The following USP37 variants were observed in gnomAD, a reference collection of about 807,000 sequenced individuals.
USP37 encodes the protein ubiquitin carboxyl-terminal hydrolase 37.
Under a neutral mutation model 124.0 loss-of-function variants are expected in USP37, and 27 were observed. The observed-to-expected ratio is 0.22, with a 90% CI of 0.16 to 0.30. The LOEUF (loss-of-function observed/expected upper bound fraction) is 0.30. Ranked by LOEUF, USP37 falls within the 10% of genes least tolerant of loss-of-function variation. USP37 has a pLI of 1.00. For missense variants in USP37, 889 were observed against 1,140.4 expected, an observed-to-expected ratio of 0.78 and a Z score of 3.17; for synonymous variants, 365 against 388.0, an observed-to-expected ratio of 0.94 and a Z score of 0.70.
chr2:218,548,221 T>C (rs566043121), intron 6 of USP37, among the ~76,000 whole-genome samples: 15 of 152,352 alleles, frequency 9.8e-5, no homozygotes, highest in Non-Finnish European at 1.9e-4. Context: ...TGTTCTGTTA[T>C]GCAAATACAA....
chr2:218,525,543 G>C (rs752730470), intron 10 of USP37, among the ~76,000 whole-genome samples: 1 of 152,020 alleles, frequency 6.6e-6, no homozygotes, highest in Non-Finnish European at 1.5e-5. Flanking sequence ...AATTTAGCTA[G>C]GTATAGAAGT....
intron 6 of USP37, among the ~76,000 whole-genome samples, chr2:218,547,366 A>AGAGATT (rs1226637704): frequency 6.6e-6 from 1 of 152,118 alleles, no homozygotes; most frequent in African/African-American, 2.4e-5. Context: ...ATACATCTCT[A>AGAGATT]GAGATTCTAT....
At chr2:218,532,808 T>A (rs1032353445) in intron 9 of USP37, among the ~76,000 whole-genome samples, 6 of 151,720 alleles carry the variant, frequency 4.0e-5, no homozygotes, top group African/African-American at 1.5e-4. Context: ...TGTGCACCTG[T>A]AATCCCAGCT....
intron 10 of USP37, among the ~76,000 whole-genome samples, chr2:218,518,337 C>A (rs76552646): frequency 6.6e-6 from 1 of 151,892 alleles, no homozygotes; most frequent in East Asian, 1.9e-4. Context: ...AAATATTGTT[C>A]TTTTATAATC....
chr2:218,513,574 C>G (rs1255026947), intron 10 of USP37, among the ~76,000 whole-genome samples: 1 of 152,166 alleles, frequency 6.6e-6, no homozygotes, highest in East Asian at 1.9e-4. Context: ...GTGACCTTGT[C>G]TCTGTGACCA....
intron 9 of USP37, among the ~76,000 whole-genome samples, chr2:218,531,046 G>C (rs1372855772): frequency 1.3e-5 from 2 of 152,210 alleles, no homozygotes; most frequent in Non-Finnish European, 2.9e-5. Flanking sequence ...TAAAGCTGCA[G>C]CAAGTTACTG....
intron 1 of USP37, 54 bp downstream of exon 1, chr2:218,568,118 CAGAAGG>C (rs1203093762): frequency 6.6e-6 from 1 of 152,404 alleles, no homozygotes; most frequent in African/African-American, 2.4e-5. Context: ...GCGGATCGCA[CAGAAGG>C]AGGAGGAGGT....
intron 1 of USP37, among the ~76,000 whole-genome samples, chr2:218,566,401 C>A (rs1316953254): frequency 6.6e-6 from 1 of 152,146 alleles, no homozygotes; most frequent in Non-Finnish European, 1.5e-5. Flanking sequence ...GTAAAGATTC[C>A]GAATTTTATC....
chr2:218,475,405 C>G (rs1395248702), intron 19 of USP37, among the ~76,000 whole-genome samples: 2 of 151,890 alleles, frequency 1.3e-5, no homozygotes, highest in African/African-American at 4.8e-5. Context: ...TTGAGACCAG[C>G]CTGGCCAACA....
chr2:218,519,768 C>T (rs6729124), intron 10 of USP37, among the ~76,000 whole-genome samples: 6,080 of 151,600 alleles, frequency 0.04, 160 homozygotes, highest in East Asian at 0.12. Context: ...GTTGCAGTGG[C>T]TAATTTTTGT....
chr2:218,467,962 A>G (rs1430826851), intron 20 of USP37, among the ~76,000 whole-genome samples: 1 of 149,628 alleles, frequency 6.7e-6, no homozygotes, highest in Admixed American at 6.7e-5. Flanking sequence ...ATATCCGCTC[A>G]CTGCAACCTC....
intron 8 of USP37, among the ~76,000 whole-genome samples, chr2:218,545,273 T>G (rs932795209): frequency 6.6e-6 from 1 of 152,206 alleles, no homozygotes; most frequent in African/African-American, 2.4e-5. Flanking sequence ...GCCAATGTGA[T>G]ATGCACAAAG....
At chr2:218,555,200 A>T (rs1692899105) in intron 4 of USP37, among the ~76,000 whole-genome samples, 1 of 152,228 alleles carries the variant, frequency 6.6e-6, no homozygotes, top group Admixed American at 6.5e-5. Flanking sequence ...TAATGTTCTC[A>T]GCAGGCATAT....
intron 10 of USP37, among the ~76,000 whole-genome samples, chr2:218,523,706 C>T (rs1430461648): frequency 6.6e-6 from 1 of 152,160 alleles, no homozygotes; most frequent in Non-Finnish European, 1.5e-5. Context: ...GTGTGAGCCA[C>T]TGAACCCGGC....
chr2:218,475,653 C>G (rs1690927911), intron 19 of USP37, among the ~76,000 whole-genome samples: 1 of 152,176 alleles, frequency 6.6e-6, no homozygotes, highest in Non-Finnish European at 1.5e-5. Context: ...TCGCCTGAAC[C>G]TGGGAGGTGG....
At chr2:218,533,786 A>T (rs562121064) in intron 9 of USP37, among the ~76,000 whole-genome samples, 5 of 152,304 alleles carry the variant, frequency 3.3e-5, no homozygotes, top group Non-Finnish European at 5.9e-5. Context: ...AGCTTACTTC[A>T]AGTTAAAGTT....
At chr2:218,550,061 TTC>T (rs1692579211) in intron 5 of USP37, 152 bp from the exon 6 acceptor site, 2 of 535,604 alleles carry the variant, frequency 3.7e-6, no homozygotes, top group Non-Finnish European at 3.1e-6. Flanking sequence ...AACCAATTCT[TTC>T]TGACAGAATA....
At chr2:218,461,112 A>G (rs564123013) in intron 22 of USP37, among the ~76,000 whole-genome samples, 240 of 152,328 alleles carry the variant, frequency 1.6e-3, no homozygotes, top group African/African-American at 5.5e-3. Context: ...ATGGTGTTAA[A>G]TAAAGAATCC....
chr2:218,502,689 C>T (rs190886858), intron 11 of USP37, among the ~76,000 whole-genome samples: 14 of 152,188 alleles, frequency 9.2e-5, no homozygotes, highest in African/African-American at 2.4e-4. Context: ...TGTCTCAGTG[C>T]CTTCAAGGAG....
Sources: allele counts gnomAD v4.1 joint callset (sites outside exome capture counted in the v4.1 genomes callset), GRCh38; gene constraint gnomAD v4.1.1; transcripts MANE v1.5; gene names NCBI Gene and HGNC (gene_info 2026-07-23, HGNC 2026-07-21).